XRCC4: variants seen among roughly 807,000 people sequenced by gnomAD.
XRCC4 encodes DNA repair protein XRCC4.
A neutral mutation model predicts 39.1 loss-of-function variants in XRCC4; 28 were observed. The observed-to-expected ratio is 0.72, with a 90% CI of 0.53 to 0.98. The LOEUF (loss-of-function observed/expected upper bound fraction) is 0.98, where lower values mean the gene tolerates loss of function less well. XRCC4 is among the 50% of genes least tolerant of loss of function. The probability of loss-of-function intolerance (pLI) is 0.00; values close to 1 mark genes in which losing one functional copy is unlikely to be tolerated. For synonymous variants in XRCC4, 123 were observed against 126.4 expected, an observed-to-expected ratio of 0.97 and a Z score of 0.18; for missense variants, 350 against 376.4, an observed-to-expected ratio of 0.93 and a Z score of 0.58.
chr5:83,127,565 T>G (rs1257621991), intron 3 of XRCC4, among the ~76,000 whole-genome samples: 3 of 152,074 alleles, frequency 2.0e-5, no homozygotes, highest in East Asian at 1.9e-4. Flanking sequence ...TTTTGTTTTT[T>G]TTTAAATAAA....
At chr5:83,358,813 T>G in the XRCC4 span, among the ~76,000 whole-genome samples, 1 of 152,178 alleles carries the variant, frequency 6.6e-6, no homozygotes, top group Non-Finnish European at 1.5e-5. Flanking sequence ...TGTCTTTCCT[T>G]GCATTCCTCC....
intron 7 of XRCC4, among the ~76,000 whole-genome samples, chr5:83,262,328 G>C (rs1325306373): frequency 1.3e-5 from 2 of 152,128 alleles, no homozygotes; most frequent in Non-Finnish European, 2.9e-5. Flanking sequence ...GTTTTGTGCA[G>C]AGCGAAGGGA....
chr5:83,205,797 T>C (rs1165057290), intron 6 of XRCC4, among the ~76,000 whole-genome samples: 3 of 151,964 alleles, frequency 2.0e-5, no homozygotes, highest in Non-Finnish European at 4.4e-5. Flanking sequence ...GAGAAGGCGT[T>C]AGAAAGGTCA....
chr5:83,117,671 GTGTA>G lies in XRCC4; in HGVS notation c.315+6478_315+6481del, dbSNP rs1239776639. Among the ~76,000 whole-genome samples the G allele has an allele frequency of 7.5e-4, 75 of 99,746 alleles. 1 individual carries two copies. In the East Asian group the frequency reaches 0.011, roughly 15 times the overall value. The allele number at this position is 99,746 out of a possible 152,430, so 65.4% of individuals were successfully genotyped here. A position where few individuals can be genotyped will look rare whatever the true frequency, so the allele number is the denominator to read the frequency against. On this transcript the variant is annotated intron_variant, in intron 3 of 7. Coordinates refer to ENST00000396027, the MANE Select transcript of XRCC4 (RefSeq NM_003401.5). ...TGTGTGTGTGTGTGTGTGTGTGTGTGTGTATGTATGTATATGTATGTATATATAA... is the reference window on the plus strand; with the variant it reads ...TGTGTGTGTGTGTGTGTGTGTGTGTGTGTATGTATATGTATGTATATATAA...
downstream of XRCC4, among the ~76,000 whole-genome samples, chr5:83,354,905 C>G (rs1757172783): frequency 6.6e-6 from 1 of 152,138 alleles, no homozygotes; most frequent in Non-Finnish European, 1.5e-5. Context: ...TTTCTATTCT[C>G]CTACAATGAG....
intron 3 of XRCC4, among the ~76,000 whole-genome samples, chr5:83,125,284 A>G (rs1403060338): frequency 6.6e-6 from 1 of 152,114 alleles, no homozygotes; most frequent in African/African-American, 2.4e-5. Context: ...TTTATTTTTG[A>G]TGAAGTCCAA....
At chr5:83,316,121 A>G (rs376578991) in intron 7 of XRCC4, among the ~76,000 whole-genome samples, 50 of 152,244 alleles carry the variant, frequency 3.3e-4, no homozygotes, top group African/African-American at 1.1e-3. Context: ...AGGGGGTTCA[A>G]GACTTTGGTG....
At chr5:83,292,739 C>A (rs1471105484) in intron 7 of XRCC4, among the ~76,000 whole-genome samples, 1 of 147,488 alleles carries the variant, frequency 6.8e-6, no homozygotes, top group African/African-American at 2.6e-5. Context: ...TTTTCTTTTT[C>A]TTTTTTAACT....
chr5:83,250,555 A>T (rs1308685904), intron 6 of XRCC4, among the ~76,000 whole-genome samples: 1 of 152,232 alleles, frequency 6.6e-6, no homozygotes, highest in Non-Finnish European at 1.5e-5. Flanking sequence ...TAGATAAATT[A>T]TTGCAAGTTT....
intron 7 of XRCC4, among the ~76,000 whole-genome samples, chr5:83,345,217 CA>C (rs1418269497): frequency 3.9e-5 from 6 of 152,148 alleles, no homozygotes; most frequent in Non-Finnish European, 7.4e-5. Flanking sequence ...GTACTTACTT[CA>C]AATGCAATTC....
chr5:83,283,766 C>CT (rs1554071738), intron 7 of XRCC4, among the ~76,000 whole-genome samples: 21 of 152,070 alleles, frequency 1.4e-4, no homozygotes, highest in Non-Finnish European at 2.9e-5. Context: ...GTGAAGCACT[C>CT]TGTCTTGTAT....
chr5:83,335,338 CTTATAA>C (rs1756562549), intron 7 of XRCC4, among the ~76,000 whole-genome samples: 1 of 151,540 alleles, frequency 6.6e-6, no homozygotes, highest in Non-Finnish European at 1.5e-5. Context: ...ATAATAATTA[CTTATAA>C]TTATTAACAA....
At chr5:83,309,296 A>AAAAAAAAAAAATATATATATATAT (rs1561467702) in intron 7 of XRCC4, among the ~76,000 whole-genome samples, 1 of 72,214 alleles carries the variant, frequency 1.4e-5, no homozygotes, top group Non-Finnish European at 2.1e-5. Context: ...AAAAAAAAAA[A>AAAAAAAAAAAATATATATATATAT]ATATATATAT....
intron 1 of XRCC4, among the ~76,000 whole-genome samples, chr5:83,099,640 ACT>A (rs1436758951): frequency 1.3e-5 from 2 of 152,012 alleles, no homozygotes; most frequent in Non-Finnish European, 2.9e-5. Context: ...ATTGTTCTGA[ACT>A]CTCAATAAAG....
At chr5:83,152,632 CAAAAAAA>C (rs59213558) in intron 3 of XRCC4, among the ~76,000 whole-genome samples, 112 of 112,312 alleles carry the variant, frequency 1.0e-3, no homozygotes, top group Non-Finnish European at 1.1e-3. Context: ...GATCCTGTCT[CAAAAAAA>C]AAAAAAAAAA....
intron 7 of XRCC4, among the ~76,000 whole-genome samples, chr5:83,340,557 G>T (rs993291096): frequency 1.3e-5 from 2 of 152,010 alleles, no homozygotes; most frequent in Non-Finnish European, 2.9e-5. Context: ...GTGAGAAGGA[G>T]TCCGCCTGCC....
At chr5:83,310,579 T>C (rs1018538200) in intron 7 of XRCC4, among the ~76,000 whole-genome samples, 1 of 152,204 alleles carries the variant, frequency 6.6e-6, no homozygotes, top group Non-Finnish European at 1.5e-5. Context: ...GCCTGGAATC[T>C]ATGGTGACAT....
At chr5:83,158,896 T>G (rs1242146280) in intron 3 of XRCC4, among the ~76,000 whole-genome samples, 1 of 152,178 alleles carries the variant, frequency 6.6e-6, no homozygotes, top group Non-Finnish European at 1.5e-5. Flanking sequence ...ATAATTCTCC[T>G]CTTTCACCTC....
At chr5:83,329,473 A>G (rs73140212) in intron 7 of XRCC4, among the ~76,000 whole-genome samples, 21,224 of 151,644 alleles carry the variant, frequency 0.14, 3,507 homozygotes, top group African/African-American at 0.39. Context: ...AGACAATCCC[A>G]AAAGGAAAAG....
Sources: gnomAD v4.1 joint callset for allele counts (sites outside exome capture counted in the v4.1 genomes callset) on GRCh38, gnomAD v4.1.1 for gene constraint, MANE v1.5 for transcripts, NCBI Gene and HGNC (gene_info 2026-07-23, HGNC 2026-07-21) for gene names.